ADARB1: variants seen among roughly 807,000 people sequenced by gnomAD.
The protein encoded by ADARB1 is adenosine deaminase RNA specific B1.
A neutral mutation model predicts 52.4 loss-of-function variants in ADARB1; 10 were observed. That is an observed-to-expected ratio of 0.19 (90% CI 0.12 to 0.32). ADARB1 has a LOEUF of 0.32. Among genes scored for constraint, ADARB1 ranks in the 10% least tolerant of loss-of-function variants. The probability of loss-of-function intolerance (pLI) is 1.00; values close to 1 mark genes in which losing one functional copy is unlikely to be tolerated. For missense variants in ADARB1, 643 were observed against 922.3 expected (o/e 0.70, Z 3.92); for synonymous variants, 349 against 371.1 (o/e 0.94, Z 0.68).
chr21:45,208,240 A>G lies in ADARB1; in HGVS notation c.1747+3504A>G, dbSNP rs543282972. On this transcript the variant is annotated intron_variant, in intron 9 of 10. Coordinates refer to ENST00000348831, the MANE Select transcript of ADARB1 (RefSeq NM_001112.4). This position sits in a 1 kb window ranked among gnomAD's most constrained non-coding sequence, Gnocchi z 5.6. ...CCAAGAAGAAGGAGCAGGGTGCCCA[A>G]ATGCCGCATGCGATGGCTCTGGGGA... Among the ~76,000 whole-genome samples the G allele has an allele frequency of 6.6e-6, 1 of 152,316 alleles. No individual in the cohort carries two copies. The highest frequency in any genetic ancestry group is 2.4e-5 in the African/African-American group (1 of 41,562).
chr21:45,221,166 T>C lies in ADARB1; in HGVS notation c.1926+152T>C. The stretch of plus-strand genomic sequence containing the variant: ...GAATGATTCTTCCTTCAGATTGTTT[T>C]AGCTTAGAAGTGTGGCTACGTCCCT... On this transcript the variant is annotated intron_variant, in intron 10 of 10. Coordinates refer to ENST00000348831, the MANE Select transcript of ADARB1 (RefSeq NM_001112.4). This position sits in a 1 kb window ranked among gnomAD's most constrained non-coding sequence, Gnocchi z 4.9. 5 of 1,077,488 alleles carry C rather than the reference T, an allele frequency of 4.6e-6. No individual in the cohort carries two copies. Among genetic ancestry groups the C allele is most frequent in the Non-Finnish European group, 6.5e-6 (5 of 768,062 alleles). The allele number at this position is 1,077,488 out of a possible 1,614,324, so 66.7% of individuals were successfully genotyped here. A position where few individuals can be genotyped will look rare whatever the true frequency, so the allele number is the denominator to read the frequency against.
At chr21:45,122,381 T>C (rs1003535918) in intron 1 of ADARB1, among the ~76,000 whole-genome samples, 4 of 152,254 alleles carry the variant, frequency 2.6e-5, no homozygotes, top group African/African-American at 9.6e-5. Flanking sequence ...TTGCTGTTGG[T>C]ACAAGGCATG....
At position 45,149,892 on chromosome 21, in the gene ADARB1, A is replaced by G. The variant is rs148280652; in HGVS notation, c.-48+21319A>G. Reference sequence around the variant, plus strand: ...TTAAAGAGTTGTTAAAAAATAAAATAGTGCAACAGAGACATGGCCACGAAG... The same window carrying G: ...TTAAAGAGTTGTTAAAAAATAAAATGGTGCAACAGAGACATGGCCACGAAG... On this transcript the variant is annotated intron_variant, in intron 2 of 10. Coordinates refer to ENST00000348831, the MANE Select transcript of ADARB1 (RefSeq NM_001112.4). Among the ~76,000 whole-genome samples the G allele has an allele frequency of 7.2e-5, 11 of 152,380 alleles. No homozygotes were observed. The East Asian group carries it at 1.9e-3, about 27-fold the overall frequency.
At chr21:45,123,604 T>C (rs2088356981) in intron 1 of ADARB1, among the ~76,000 whole-genome samples, 1 of 149,798 alleles carries the variant, frequency 6.7e-6, no homozygotes, top group Admixed American at 6.7e-5. Flanking sequence ...CGTGCTGGCC[T>C]TTTTGTTTGT....
At chr21:45,206,714 C>A (rs2092675013) in intron 9 of ADARB1, among the ~76,000 whole-genome samples, 1 of 151,968 alleles carries the variant, frequency 6.6e-6, no homozygotes, top group African/African-American at 2.4e-5. Flanking sequence ...GCTGGGATTA[C>A]AGGCGTGTGC....
At chr21:45,104,670 T>G (rs2123747532) in intron 1 of ADARB1, among the ~76,000 whole-genome samples, 1 of 152,338 alleles carries the variant, frequency 6.6e-6, no homozygotes, top group South Asian at 2.1e-4. Flanking sequence ...TGGGCCCCTG[T>G]GAAGGGCTGG....
At position 45,220,776 on chromosome 21, in the gene ADARB1, TGCTCCCTCCCTG is replaced by T; in HGVS notation, c.1748-58_1748-47del. 2 of 1,581,946 alleles carry T rather than the reference TGCTCCCTCCCTG, an allele frequency of 1.3e-6. No homozygotes were observed. Among genetic ancestry groups the T allele is most frequent in the Middle Eastern group, 1.7e-4 (1 of 5,960 alleles). ...CTGAGCACAGTGTGCCGCCCGTGGC[TGCTCCCTCCCTG>T]GGGGTGAAAGCGGGCTTCACACCAC... On this transcript the variant is annotated intron_variant, in intron 9 of 10. Transcript: ENST00000348831. The surrounding 1 kb of genome is among the most constrained non-coding windows in gnomAD (Gnocchi z 6.3).
At chr21:45,087,897 A>G (rs760150364) in intron 1 of ADARB1, among the ~76,000 whole-genome samples, 3 of 152,120 alleles carry the variant, frequency 2.0e-5, no homozygotes, top group Admixed American at 6.5e-5. Flanking sequence ...AAATAGTAGT[A>G]AATTTTTTTC....
At chr21:45,212,612 C>T (rs1002304688) in intron 9 of ADARB1, among the ~76,000 whole-genome samples, 1 of 152,094 alleles carries the variant, frequency 6.6e-6, no homozygotes, top group African/African-American at 2.4e-5. Context: ...ACCACCCCGA[C>T]AACCAGGGAA....
intron 1 of ADARB1, among the ~76,000 whole-genome samples, chr21:45,096,076 G>C (rs1182231142): frequency 6.6e-6 from 1 of 152,236 alleles, no homozygotes. Flanking sequence ...TGGCCAAGCG[G>C]GTTTGCTAAT....
chr21:45,173,334 C>T (rs2091564881), intron 3 of ADARB1, among the ~76,000 whole-genome samples: 1 of 152,134 alleles, frequency 6.6e-6, no homozygotes, highest in South Asian at 2.1e-4. Flanking sequence ...GAGAAGGCAT[C>T]TGTTGAAGAA....
intron 4 of ADARB1, among the ~76,000 whole-genome samples, chr21:45,178,520 G>A (rs369632526): frequency 2.6e-5 from 4 of 152,236 alleles, no homozygotes; most frequent in Non-Finnish European, 5.9e-5. Flanking sequence ...GGAATGTGAC[G>A]TGTTCCTTGT....
intron 4 of ADARB1, chr21:45,177,214 A>G (rs532310700): frequency 1.3e-5 from 2 of 157,042 alleles, no homozygotes; most frequent in Admixed American, 1.2e-4. Context: ...AGCCCATCAA[A>G]GCAGCGAATG....
chr21:45,188,945 T>A (rs1248541468), intron 8 of ADARB1, among the ~76,000 whole-genome samples: 2 of 152,188 alleles, frequency 1.3e-5, no homozygotes, highest in Non-Finnish European at 2.9e-5. Context: ...TGGCAGAATG[T>A]GAAAGGCACA....
At chr21:45,085,448 C>A (rs545939414) in intron 1 of ADARB1, among the ~76,000 whole-genome samples, 3 of 152,222 alleles carry the variant, frequency 2.0e-5, no homozygotes, top group Admixed American at 6.5e-5. Context: ...GTTACAGTTT[C>A]CAGAAACTTC....
chr21:45,131,779 C>T (rs1234197477), intron 2 of ADARB1, among the ~76,000 whole-genome samples: 1 of 152,250 alleles, frequency 6.6e-6, no homozygotes. Flanking sequence ...TTCAGAGGGG[C>T]TCTTGGGGCC....
rs755171317 is a variant in ADARB1 at position 45,198,497 on chromosome 21, T to TCA, written c.1566-6035_1566-6034dup. 7.5e-3 allele frequency among the ~76,000 whole-genome samples: 713 copies of TCA among 95,070 alleles called. 6 individuals are homozygous for TCA. The highest frequency in any genetic ancestry group is 0.013 in the Admixed American group (134 of 9,932). 62.4% of individuals were successfully genotyped at this position (95,070 alleles called of 152,430 possible). On this transcript the variant is annotated intron_variant, in intron 8 of 10. Transcript: ENST00000348831. Reference sequence around the variant, plus strand: ...ATAGAACTCTGCCTATTAAATTAAATCACACACACACACACACACACACAT... The same window carrying TCA: ...ATAGAACTCTGCCTATTAAATTAAATCACACACACACACACACACACACACAT...
At chr21:45,078,267 T>C (rs2086023487) in intron 1 of ADARB1, among the ~76,000 whole-genome samples, 2 of 152,198 alleles carry the variant, frequency 1.3e-5, no homozygotes, top group Admixed American at 6.5e-5. Context: ...GCTTCTAGTT[T>C]GGTGATTTTG....
At chr21:45,146,996 C>T (rs1055638615) in intron 2 of ADARB1, among the ~76,000 whole-genome samples, 1 of 152,182 alleles carries the variant, frequency 6.6e-6, no homozygotes, top group African/African-American at 2.4e-5. Flanking sequence ...TGCAGCTAGT[C>T]CCAGCAGCCA....
Sources: gnomAD v4.1 joint callset for allele counts (sites outside exome capture counted in the v4.1 genomes callset) on GRCh38, gnomAD v4.1.1 for gene constraint, Gnocchi (gnomAD v3.1) non-coding constraint, MANE v1.5 for transcripts, NCBI Gene and HGNC (gene_info 2026-07-23, HGNC 2026-07-21) for gene names.